The following TRMT10B variants were observed in gnomAD, a reference collection of about 807,000 sequenced individuals.
TRMT10B encodes tRNA methyltransferase 10 homolog B.
In TRMT10B, 33 loss-of-function variants were observed where a neutral mutation model predicts 43.8. That is an observed-to-expected ratio of 0.75 (90% CI 0.57 to 1.01). The LOEUF is 1.01. Ranked by LOEUF, TRMT10B falls within the 50% of genes least tolerant of loss-of-function variation. The probability of loss-of-function intolerance (pLI) is 0.00; values close to 1 mark genes in which losing one functional copy is unlikely to be tolerated. For synonymous variants in TRMT10B, 137 were observed against 130.6 expected (o/e 1.05, Z -0.34); for missense variants, 362 against 369.8 (o/e 0.98, Z 0.17).
intron 7 of TRMT10B, among the ~76,000 whole-genome samples, chr9:37,775,955 G>T (rs1236672556): frequency 6.6e-6 from 1 of 152,212 alleles, no homozygotes; most frequent in Non-Finnish European, 1.5e-5. Flanking sequence ...GGAAGTTCCA[G>T]ATATCCAGAA....
At chr9:37,769,791 CTG>C (rs1413708370) in intron 5 of TRMT10B, 148 bp from the exon 6 acceptor site, 15 of 692,160 alleles carry the variant, frequency 2.2e-5, no homozygotes, top group Non-Finnish European at 5.2e-6. Flanking sequence ...TTAGTAGAGA[CTG>C]GGTTTCACCA....
chr9:37,768,113 A>C lies in TRMT10B; in HGVS notation c.458A>C (p.Tyr153Ser), dbSNP rs769823384. The change falls in exon 5 of 9, where the codon TAT becomes TCT. Residue 153 changes from tyrosine to serine, a missense_variant. Transcript: ENST00000297994. ...SRLAGQIRRLYGSNKKADRPF... is the reference protein window; with the variant it reads ...SRLAGQIRRLSGSNKKADRPF... ...CTGGCTGGACAGATTCGAAGGTTGTATGGTTCAAACAAAAAAGCTGACAGG... is the reference window on the plus strand; with the variant it reads ...CTGGCTGGACAGATTCGAAGGTTGTCTGGTTCAAACAAAAAAGCTGACAGG... 2 of 1,614,110 alleles carry C rather than the reference A, an allele frequency of 1.2e-6. No individual in the cohort carries two copies. Among genetic ancestry groups the C allele is most frequent in the Non-Finnish European group, 1.7e-6 (2 of 1,179,992 alleles).
intron 8 of TRMT10B, among the ~76,000 whole-genome samples, 192 bp downstream of exon 8, chr9:37,776,597 G>A (rs1486480583): frequency 6.6e-6 from 1 of 152,170 alleles, no homozygotes; most frequent in Non-Finnish European, 1.5e-5. Flanking sequence ...GTTAAAGATA[G>A]TTGAAATTGT....
intron 8 of TRMT10B, 34 bp from the exon 9 acceptor site, chr9:37,777,567 G>A (rs1170541635): frequency 1.3e-6 from 2 of 1,522,988 alleles, no homozygotes; most frequent in Non-Finnish European, 1.8e-6. Flanking sequence ...TTTTCCCTCT[G>A]TGGTCACTGT....
At chr9:37,771,259 GATA>G (rs776937559) in intron 7 of TRMT10B, among the ~76,000 whole-genome samples, 11 of 152,172 alleles carry the variant, frequency 7.2e-5, no homozygotes, top group Middle Eastern at 3.4e-3. Flanking sequence ...ATATTACATA[GATA>G]ATAAGTTTAA....
At chr9:37,767,697 T>A (rs899262671) in intron 4 of TRMT10B, among the ~76,000 whole-genome samples, 19 of 152,018 alleles carry the variant, frequency 1.2e-4, no homozygotes, top group Non-Finnish European at 2.5e-4. Context: ...CTCCTGAAGT[T>A]AGGAAGAAGG....
chr9:37,768,350 A>G (rs1563997839), intron 5 of TRMT10B, 122 bp downstream of exon 5: 2 of 1,119,874 alleles, frequency 1.8e-6, no homozygotes, highest in South Asian at 1.7e-5. Context: ...AAAAATTCAG[A>G]ACCTCTCATA....
chr9:37,761,855 A>T lies in TRMT10B; in HGVS notation c.-29-48A>T. On this transcript the variant is annotated intron_variant, in intron 1 of 8. Coordinates refer to ENST00000297994, the MANE Select transcript of TRMT10B (RefSeq NM_144964.4). ...GTCATTTGGATGTAGGGAGATACCT[A>T]TGTTAGTGAAATAATGTAATAGCTC... 5 of 1,318,980 alleles carry T rather than the reference A, an allele frequency of 3.8e-6. No individual in the cohort carries two copies. In the South Asian group the frequency reaches 7.0e-5, roughly 18 times the overall value. 81.7% of individuals were successfully genotyped at this position (1,318,980 alleles called of 1,614,324 possible).
chr9:37,760,605 AAAT>A (rs1222405172), intron 1 of TRMT10B, among the ~76,000 whole-genome samples: 2 of 152,234 alleles, frequency 1.3e-5, no homozygotes, highest in Admixed American at 1.3e-4. Flanking sequence ...ATGAATCATG[AAAT>A]AATGATGTAA....
intron 5 of TRMT10B, among the ~76,000 whole-genome samples, chr9:37,769,305 C>G (rs1053151943): frequency 4.6e-5 from 2 of 43,860 alleles, no homozygotes; most frequent in Non-Finnish European, 8.4e-5. Flanking sequence ...CAGACCCTGT[C>G]TTTAAAAAAA....
At position 37,778,138 on chromosome 9, in the gene TRMT10B, AC is replaced by A. The variant is rs1469318050; in HGVS notation, c.*432del. On this transcript the variant is annotated 3_prime_UTR_variant, in exon 9 of 9. Transcript: ENST00000297994. The stretch of plus-strand genomic sequence containing the variant: ...TTGCATGACATCTTCTCAGAGCTTC[AC>A]AATAATGTCAGGGACCACATTTAAT... 2 of 165,396 alleles carry A rather than the reference AC, an allele frequency of 1.2e-5. No individual in the cohort carries two copies. The highest frequency in any genetic ancestry group is 4.8e-5 in the African/African-American group (2 of 41,582). 10.2% of individuals were successfully genotyped at this position (165,396 alleles called of 1,614,324 possible). A position where few individuals can be genotyped will look rare whatever the true frequency, so the allele number is the denominator to read the frequency against.
chr9:37,769,979 C>T lies in TRMT10B; in HGVS notation c.612C>T (p.Pro204=). ...AAGAAGACTGCTTTAGTTTATTTCCCTTGGAAACCCTTGTGTACCTGACTC... is the reference window on the plus strand; with the variant it reads ...AAGAAGACTGCTTTAGTTTATTTCCTTTGGAAACCCTTGTGTACCTGACTC... The part of the protein sequence containing the change: ...ITEEDCFSLF[P]LETLVYLTPD... The change falls in exon 6 of 9, where the codon CCC becomes CCT. Residue 204 remains proline (P), a synonymous_variant. Transcript: ENST00000297994. 6.2e-7 allele frequency: 1 copy of T among 1,614,108 alleles called. No homozygotes were observed. Among genetic ancestry groups the T allele is most frequent in the Non-Finnish European group, 8.5e-7 (1 of 1,180,004 alleles).
intron 1 of TRMT10B, among the ~76,000 whole-genome samples, chr9:37,756,684 G>A (rs1370361567): frequency 3.3e-5 from 5 of 151,622 alleles, no homozygotes; most frequent in South Asian, 2.1e-4. Context: ...ATGCCACTGC[G>A]CTCCAGCCTG....
chr9:37,774,916 AAAG>A (rs1482524195), intron 7 of TRMT10B, among the ~76,000 whole-genome samples: 1 of 152,228 alleles, frequency 6.6e-6, no homozygotes, highest in Non-Finnish European at 1.5e-5. Flanking sequence ...CTTGAAATTC[AAAG>A]AAGAGTTGAC....
intron 2 of TRMT10B, 145 bp downstream of exon 2, chr9:37,762,262 T>A: frequency 9.3e-7 from 1 of 1,073,320 alleles, no homozygotes; most frequent in Non-Finnish European, 1.3e-6. Flanking sequence ...CTAACTGGTT[T>A]AAAGTTTTAG....
At chr9:37,756,865 T>C (rs184112317) in intron 1 of TRMT10B, among the ~76,000 whole-genome samples, 41 of 151,662 alleles carry the variant, frequency 2.7e-4, no homozygotes, top group African/African-American at 8.0e-4. Context: ...CACACACACA[T>C]ATACATACAC....
chr9:37,770,572 A>T (rs974472663), intron 6 of TRMT10B, 100 bp from the exon 7 acceptor site: 9 of 1,126,432 alleles, frequency 8.0e-6, no homozygotes, highest in Non-Finnish European at 1.1e-5. Flanking sequence ...TTTTCTACTG[A>T]ATTTCTACTT....
intron 5 of TRMT10B, 113 bp downstream of exon 5, chr9:37,768,341 A>G (rs530172493): frequency 8.2e-7 from 1 of 1,225,632 alleles, no homozygotes; most frequent in Admixed American, 2.5e-5. Context: ...GAAGTCTAAA[A>G]AAATTCAGAA....
At chr9:37,774,573 CACCCAA>C (rs1157723775) in intron 7 of TRMT10B, among the ~76,000 whole-genome samples, 3 of 152,186 alleles carry the variant, frequency 2.0e-5, no homozygotes, top group African/African-American at 7.2e-5. Context: ...TCTAGGGCAA[CACCCAA>C]ATATCCTAAT....
Sources: gnomAD v4.1 joint callset for allele counts (sites outside exome capture counted in the v4.1 genomes callset) on GRCh38, gnomAD v4.1.1 for gene constraint, MANE v1.5 for transcripts, NCBI Gene and HGNC (gene_info 2026-07-23, HGNC 2026-07-21) for gene names.